Variants in PLEKHA8 observed in about 807,000 individuals in gnomAD.
The protein encoded by PLEKHA8 is pleckstrin homology domain containing A8, also known as pleckstrin homology domain-containing family A member 8.
In PLEKHA8, 36 loss-of-function variants were observed where a neutral mutation model predicts 68.2. The observed-to-expected ratio is 0.53, with a 90% CI of 0.40 to 0.70. The LOEUF (loss-of-function observed/expected upper bound fraction) is 0.70. PLEKHA8 is among the 30% of genes least tolerant of loss of function. The pLI is 0.00. For missense variants in PLEKHA8, 505 were observed against 615.4 expected (o/e 0.82, Z 1.90); for synonymous variants, 211 against 216.1 (o/e 0.98, Z 0.20).
chr7:30,112,850 G>C (rs1796315977), intron 13 of PLEKHA8, among the ~76,000 whole-genome samples: 1 of 151,664 alleles, frequency 6.6e-6, no homozygotes, highest in Non-Finnish European at 1.5e-5. Flanking sequence ...ACAGTGAGCT[G>C]TGATATACCA....
At chr7:30,120,218 A>C (rs1209810733) in intron 13 of PLEKHA8, among the ~76,000 whole-genome samples, 3 of 152,130 alleles carry the variant, frequency 2.0e-5, no homozygotes, top group Non-Finnish European at 4.4e-5. Flanking sequence ...AAAAGAAAAA[A>C]CTTTAGACAA....
intron 4 of PLEKHA8, among the ~76,000 whole-genome samples, chr7:30,048,381 AT>A (rs1384390970): frequency 1.3e-5 from 2 of 152,146 alleles, no homozygotes; most frequent in African/African-American, 4.8e-5. Context: ...ATGCCAACTT[AT>A]TGTCTTTCAT....
intron 9 of PLEKHA8, among the ~76,000 whole-genome samples, chr7:30,060,421 A>G (rs1583839961): frequency 1.3e-5 from 2 of 151,704 alleles, no homozygotes; most frequent in South Asian, 4.2e-4. Context: ...CTGGGGACAG[A>G]GCGAGAGACT....
intron 13 of PLEKHA8, among the ~76,000 whole-genome samples, chr7:30,075,731 G>T (rs1794573581): frequency 6.6e-6 from 1 of 152,158 alleles, no homozygotes; most frequent in South Asian, 2.1e-4. Context: ...GTGGGGGGAA[G>T]GGTTCAGTAT....
chr7:30,129,454 CT>C, exon 14 of PLEKHA8: 1 of 907,686 alleles, frequency 1.1e-6, no homozygotes, highest in Non-Finnish European at 1.7e-6. Context: ...CAAAGAGAAA[CT>C]TTATCTTGTT....
intron 4 of PLEKHA8, among the ~76,000 whole-genome samples, chr7:30,048,889 CTCTTGGGAAGTT>C (rs898152202): frequency 1.2e-4 from 19 of 152,280 alleles, no homozygotes; most frequent in African/African-American, 4.6e-4. Context: ...TTCAGTCCTG[CTCTTGGGAAGTT>C]TATAGTCTAG....
At chr7:30,034,644 C>T (rs550282455) in intron 1 of PLEKHA8, among the ~76,000 whole-genome samples, 2 of 152,192 alleles carry the variant, frequency 1.3e-5, no homozygotes, top group South Asian at 4.2e-4. Flanking sequence ...AGGTCTTCAT[C>T]CTTGCTGTCT....
intron 13 of PLEKHA8, among the ~76,000 whole-genome samples, chr7:30,102,163 G>T (rs982358904): frequency 7.9e-5 from 12 of 152,124 alleles, no homozygotes; most frequent in Admixed American, 4.6e-4. Flanking sequence ...CATACAGATG[G>T]CCAATAAGCA....
chr7:30,121,011 A>G (rs1583491977), intron 13 of PLEKHA8, among the ~76,000 whole-genome samples: 1 of 151,810 alleles, frequency 6.6e-6, no homozygotes, highest in South Asian at 2.1e-4. Flanking sequence ...TTCTTTACCA[A>G]ATCAATCATA....
rs1378575108 is a variant in PLEKHA8 at position 30,084,104 on chromosome 7, A to T, written c.*5317A>T. On this transcript the variant is annotated 3_prime_UTR_variant, in exon 14 of 14. Coordinates refer to ENST00000449726, the MANE Select transcript of PLEKHA8 (RefSeq NM_001197026.2). ...ATTGGCTGTGGACAATCTGTGTCAGATGAGAAATGTGTTCAGATAAATTTA... is the reference window on the plus strand; with the variant it reads ...ATTGGCTGTGGACAATCTGTGTCAGTTGAGAAATGTGTTCAGATAAATTTA... 1 of 985,422 alleles carries T rather than the reference A, an allele frequency of 1.0e-6. No homozygotes were observed. The highest frequency in any genetic ancestry group is 1.2e-6 in the Non-Finnish European group (1 of 829,890). 61.0% of individuals were successfully genotyped at this position (985,422 alleles called of 1,614,324 possible).
chr7:30,045,630 T>TGA (rs1464225208), intron 2 of PLEKHA8, among the ~76,000 whole-genome samples: 2 of 152,216 alleles, frequency 1.3e-5, no homozygotes, highest in Admixed American at 1.3e-4. Context: ...GTTTTTGTCT[T>TGA]GAGACATGCT....
In PLEKHA8 at chr7:30,104,848, G is replaced by A. The variant is rs142669970; in HGVS notation, c.1363-24418G>A. Among the ~76,000 whole-genome samples, 824 of 150,378 alleles carry A rather than the reference G, an allele frequency of 5.5e-3. 12 individuals carry two copies. Among genetic ancestry groups the A allele is most frequent in the African/African-American group, 0.019 (783 of 40,990 alleles). ...AGTGATTCTCGTGCCTCAGCCTTCC[G>A]AGTGGTTGGGACTACAGGTACATGC... On this transcript the variant is annotated intron_variant, in intron 13 of 13. Coordinates refer to the PLEKHA8 transcript ENST00000396257.
chr7:30,113,176 A>G (rs1189054349), intron 13 of PLEKHA8, among the ~76,000 whole-genome samples: 3 of 152,070 alleles, frequency 2.0e-5, no homozygotes, highest in Admixed American at 2.0e-4. Context: ...TTTGGAGATC[A>G]TTAGTTCTTG....
intron 10 of PLEKHA8, among the ~76,000 whole-genome samples, chr7:30,061,249 T>C (rs1288212044): frequency 6.6e-6 from 1 of 152,212 alleles, no homozygotes; most frequent in Non-Finnish European, 1.5e-5. Flanking sequence ...TCTGTGCTTT[T>C]TTAGGTTTAA....
downstream of PLEKHA8, among the ~76,000 whole-genome samples, chr7:30,084,953 T>TC (rs1451456069): frequency 2.6e-5 from 4 of 151,042 alleles, no homozygotes; most frequent in Non-Finnish European, 5.9e-5. Context: ...TCTTTTCTTT[T>TC]TTTTTTTTTT....
At chr7:30,071,792 T>C (rs2127994459) in intron 12 of PLEKHA8, 1 of 152,354 alleles carries the variant, frequency 6.6e-6, no homozygotes, top group South Asian at 2.1e-4. Flanking sequence ...GGATTCACAG[T>C]ATCTTACCTT....
rs73077974 is a variant in PLEKHA8 at position 30,048,676 on chromosome 7, A to G, written c.439-548A>G. Among the ~76,000 whole-genome samples the G allele has an allele frequency of 4.0e-3, 602 of 152,362 alleles. 2 individuals carry two copies. The highest frequency in any genetic ancestry group is 6.7e-3 in the Non-Finnish European group (453 of 68,030). ...TCTGACAGTGCAACTGCAGATTATA[A>G]TGAAAGATTTTCATTTATTAGGTAG... On this transcript the variant is annotated intron_variant, in intron 4 of 13. Coordinates refer to ENST00000449726, the MANE Select transcript of PLEKHA8 (RefSeq NM_001197026.2).
In PLEKHA8 at chr7:30,080,041, G is replaced by T; in HGVS notation, c.*1254G>T. The T allele has an allele frequency of 1.0e-6, 1 of 985,126 alleles. No individual in the cohort carries two copies. 61.0% of individuals were successfully genotyped at this position (985,126 alleles called of 1,614,324 possible). On this transcript the variant is annotated 3_prime_UTR_variant, in exon 14 of 14. Transcript: ENST00000449726. ...GCCAGCAGGCCTTTGCATTGCATTC[G>T]GGGACCATGACTCTGAATCTGCTTA...
chr7:30,056,742 A>AGTGTGTGT (rs70980590), intron 9 of PLEKHA8, among the ~76,000 whole-genome samples: 2 of 74,784 alleles, frequency 2.7e-5, no homozygotes, highest in South Asian at 6.2e-4. Context: ...AAAAAAAAAA[A>AGTGTGTGT]GTGTGTGTGT....
Sources: gnomAD v4.1 joint callset for allele counts (sites outside exome capture counted in the v4.1 genomes callset) on GRCh38, gnomAD v4.1.1 for gene constraint, MANE v1.5 for transcripts, NCBI Gene and HGNC (gene_info 2026-07-23, HGNC 2026-07-21) for gene names.